The following SP140 variants were observed in gnomAD, a reference collection of about 807,000 sequenced individuals.
SP140 encodes SP140 nuclear body protein, also known as nuclear body protein SP140.
Under a neutral mutation model 125.0 loss-of-function variants are expected in SP140, and 81 were observed. The observed-to-expected ratio is 0.65, with a 90% CI of 0.54 to 0.78. SP140 has a LOEUF of 0.78. Among genes scored for constraint, SP140 ranks in the 30% least tolerant of loss-of-function variants. SP140 has a pLI of 0.00. For synonymous variants in SP140, 312 were observed against 354.0 expected (o/e 0.88, Z 1.33); for missense variants, 858 against 1,037.0 (o/e 0.83, Z 2.37).
intron 3 of SP140, chr2:230,215,003 A>C: frequency 2.2e-5 from 35 of 1,614,088 alleles, no homozygotes; most frequent in Non-Finnish European, 3.0e-5. Flanking sequence ...ACGCAGGTTA[A>C]TTTGACTGAA....
At chr2:230,292,918 AG>A in intron 20 of SP140, 130 bp downstream of exon 20, 1 of 1,322,574 alleles carries the variant, frequency 7.6e-7, no homozygotes, top group Non-Finnish European at 1.0e-6. Context: ...CCTCTCACTC[AG>A]GAGAGAGGGA....
rs568163337 is a variant in SP140, at chr2:230,241,297, G to A, written c.407-107G>A. Reference sequence around the variant, plus strand: ...GGGGAACAAGGCTCTGTTGGACCTCGGGGGTGGGAGATCCTGGGGCTTGGA... The same window carrying A: ...GGGGAACAAGGCTCTGTTGGACCTCAGGGGTGGGAGATCCTGGGGCTTGGA... On this transcript the variant is annotated intron_variant, in intron 3 of 26. Coordinates refer to ENST00000392045, the MANE Select transcript of SP140 (RefSeq NM_007237.5). 1.7e-4 allele frequency: 124 copies of A among 725,036 alleles called. No homozygotes were observed. The African/African-American group carries it at 1.7e-3, about 10-fold the overall frequency. The allele number at this position is 725,036 out of a possible 1,614,324, so 44.9% of individuals were successfully genotyped here. A position where few individuals can be genotyped will look rare whatever the true frequency, so the allele number is the denominator to read the frequency against.
In SP140 at chr2:230,211,859, A is replaced by G. The variant is rs2044518477; in HGVS notation, c.-322-1795A>G. 6.6e-6 allele frequency among the ~76,000 whole-genome samples: 1 copy of G among 152,224 alleles called. No individual in the cohort carries two copies. The highest frequency in any genetic ancestry group is 1.5e-5 in the Non-Finnish European group (1 of 68,036). ...CTCAGTACTGGAGAGCTCAGAATCC[A>G]TGGTATCATTTTTGACAATGCCCAA... On this transcript the variant is annotated intron_variant, in intron 1 of 4. Transcript: ENST00000456542. The surrounding 1 kb of genome is among the most constrained non-coding windows in gnomAD (Gnocchi z 4.2).
intron 12 of SP140, among the ~76,000 whole-genome samples, chr2:230,259,549 G>C (rs2051832827): frequency 1.3e-5 from 2 of 151,544 alleles, no homozygotes; most frequent in African/African-American, 4.8e-5. Flanking sequence ...AGTCAGGCAT[G>C]GTAGTGTGTG....
intron 15 of SP140, among the ~76,000 whole-genome samples, chr2:230,274,279 C>T (rs940942952): frequency 8.5e-5 from 13 of 152,114 alleles, no homozygotes; most frequent in Non-Finnish European, 1.6e-4. Context: ...TCTCCTAGAA[C>T]CTATAATCTG....
At chr2:230,256,208 A>G (rs1423379120) in intron 12 of SP140, among the ~76,000 whole-genome samples, 1 of 152,150 alleles carries the variant, frequency 6.6e-6, no homozygotes, top group African/African-American at 2.4e-5. Context: ...ATGCTGCTAT[A>G]AAGACACATG....
Position 230,292,683 on chromosome 2 carries a change from A to C in SP140, c.1863A>C (p.Lys621Asn). Residue 621 changes from lysine (K) to asparagine (N), a missense_variant, in exon 20 of 27, where the codon AAA becomes AAC. Transcript: ENST00000392045. Reference sequence around the variant, plus strand: ...AGTGTATACAGACTGAGGATGGAAAATGGTTCACCCCCACGGAATTTGAAA... The same window carrying C: ...AGTGTATACAGACTGAGGATGGAAACTGGTTCACCCCCACGGAATTTGAAA... ...LVKCIQTEDG[K>N]WFTPTEFEIK... 2 of 1,614,192 alleles carry C rather than the reference A, an allele frequency of 1.2e-6. No homozygotes were observed. Among genetic ancestry groups the C allele is most frequent in the Non-Finnish European group, 1.7e-6 (2 of 1,180,032 alleles).
chr2:230,231,129 T>G (rs1356651347), intron 1 of SP140, among the ~76,000 whole-genome samples: 1 of 152,254 alleles, frequency 6.6e-6, no homozygotes, highest in Non-Finnish European at 1.5e-5. Flanking sequence ...GTTGTCATCT[T>G]TCTGCTCACT....
chr2:230,214,494 T>C (rs994511060), intron 3 of SP140, among the ~76,000 whole-genome samples: 8 of 152,206 alleles, frequency 5.3e-5, no homozygotes, highest in Non-Finnish European at 1.0e-4. Flanking sequence ...TAAAAATGAC[T>C]TCAAAGGGTT....
chr2:230,274,111 TAAA>T lies in SP140; in HGVS notation c.1498+3485_1498+3487del, dbSNP rs34151475. Reference sequence around the variant, plus strand: ...CACATATATCCTTGAACTTAAAGTATAAAAAAAAAAAAAAATAGATGTGTGAAT... The same window carrying T: ...CACATATATCCTTGAACTTAAAGTATAAAAAAAAAAAATAGATGTGTGAAT... On this transcript the variant is annotated intron_variant, in intron 15 of 26. Transcript: ENST00000392045. Among the ~76,000 whole-genome samples the T allele has an allele frequency of 3.8e-3, 539 of 141,638 alleles. 4 individuals carry two copies. Among genetic ancestry groups the T allele is most frequent in the Admixed American group, 0.021 (298 of 14,012 alleles). The allele number at this position is 141,638 out of a possible 152,430, so 92.9% of individuals were successfully genotyped here.
chr2:230,230,370 C>A (rs1329952027), intron 1 of SP140: 2 of 152,156 alleles, frequency 1.3e-5, no homozygotes, highest in Admixed American at 1.3e-4. Flanking sequence ...CCTCAAACCC[C>A]AGTCTTAGGT....
chr2:230,298,611 G>A (rs2057989383), intron 22 of SP140, among the ~76,000 whole-genome samples: 1 of 152,142 alleles, frequency 6.6e-6, no homozygotes, highest in Admixed American at 6.5e-5. Context: ...CAAAGGTATG[G>A]TCACCCCTGT....
At chr2:230,296,378 G>T (rs1325961691) in intron 21 of SP140, among the ~76,000 whole-genome samples, 3 of 152,242 alleles carry the variant, frequency 2.0e-5, no homozygotes, top group African/African-American at 7.2e-5. Flanking sequence ...AATCACACTT[G>T]TTTATGGCCT....
At chr2:230,202,726 T>C, upstream of SP140, 3 of 1,614,158 alleles carry the variant, frequency 1.9e-6, no homozygotes, top group South Asian at 3.3e-5. Flanking sequence ...GATGAGGCTG[T>C]CCCTGGACCA....
chr2:230,234,098 T>G (rs539122929), intron 1 of SP140, among the ~76,000 whole-genome samples: 1 of 152,360 alleles, frequency 6.6e-6, no homozygotes, highest in South Asian at 2.1e-4. Flanking sequence ...ATTTCTTGAT[T>G]CTGTTAATGT....
chr2:230,239,014 C>T, intron 3 of SP140: 3 of 1,428,480 alleles, frequency 2.1e-6, no homozygotes, highest in Non-Finnish European at 2.7e-6. Context: ...ACACCCTGTG[C>T]TAAGGAATCT....
chr2:230,221,534 T>C (rs1373807998), upstream of SP140, among the ~76,000 whole-genome samples: 1 of 152,108 alleles, frequency 6.6e-6, no homozygotes, highest in African/African-American at 2.4e-5. Flanking sequence ...GGGTAATGGC[T>C]GTGGGTGAAA....
upstream of SP140, among the ~76,000 whole-genome samples, chr2:230,202,293 G>A (rs2043259587): frequency 6.6e-6 from 1 of 152,028 alleles, no homozygotes; most frequent in African/African-American, 2.4e-5. Context: ...GCTCCTTAGG[G>A]TCCTCAATAA....
chr2:230,314,080 G>A (rs1575408404), downstream of SP140, among the ~76,000 whole-genome samples: 1 of 152,308 alleles, frequency 6.6e-6, no homozygotes, highest in African/African-American at 2.4e-5. Context: ...AAACTTCAGA[G>A]AAGACTGAAT....
Sources: gnomAD v4.1 joint callset for allele counts (sites outside exome capture counted in the v4.1 genomes callset) on GRCh38, gnomAD v4.1.1 for gene constraint, Gnocchi (gnomAD v3.1) non-coding constraint, MANE v1.5 for transcripts, NCBI Gene and HGNC (gene_info 2026-07-23, HGNC 2026-07-21) for gene names.